Variants in L3MBTL4 observed in about 807,000 individuals in gnomAD.
The protein encoded by L3MBTL4 is lethal(3)malignant brain tumor-like protein 4.
L3MBTL4 carries 70 observed loss-of-function variants against 84.5 expected under a neutral mutation model. The observed-to-expected ratio is 0.83, with a 90% CI of 0.68 to 1.01. The LOEUF is 1.01. L3MBTL4 is among the 50% of genes least tolerant of loss of function. The pLI, the probability that L3MBTL4 is intolerant of heterozygous loss-of-function variation, is 0.00. For missense variants in L3MBTL4, 715 were observed against 754.8 expected (o/e 0.95, Z 0.62); for synonymous variants, 274 against 259.8 (o/e 1.05, Z -0.52).
chr18:6,072,699 A>ACAC (rs1568069053), intron 16 of L3MBTL4, among the ~76,000 whole-genome samples: 3 of 63,474 alleles, frequency 4.7e-5, no homozygotes, highest in African/African-American at 2.0e-4. Flanking sequence ...CACACACACA[A>ACAC]AAAAAAATTA....
chr18:6,367,782 G>A (rs2053997267), intron 1 of L3MBTL4: 1 of 152,200 alleles, frequency 6.6e-6, no homozygotes, highest in Admixed American at 6.5e-5. Context: ...CAGCACTAAT[G>A]GTCACAAAGG....
At chr18:6,255,320 G>A (rs2048091137) in intron 5 of L3MBTL4, among the ~76,000 whole-genome samples, 1 of 152,168 alleles carries the variant, frequency 6.6e-6, no homozygotes, top group South Asian at 2.1e-4. Context: ...ACCCCTACCA[G>A]GAACTAAAAA....
At chr18:6,368,794 C>T (rs1426351194) in intron 1 of L3MBTL4, among the ~76,000 whole-genome samples, 1 of 152,160 alleles carries the variant, frequency 6.6e-6, no homozygotes, top group Non-Finnish European at 1.5e-5. Flanking sequence ...GTAATCCCAG[C>T]ACTTTGGGAG....
At chr18:6,272,342 G>A (rs1320882371) in intron 4 of L3MBTL4, among the ~76,000 whole-genome samples, 1 of 152,182 alleles carries the variant, frequency 6.6e-6, no homozygotes, top group African/African-American at 2.4e-5. Context: ...TCATGAGGTA[G>A]GATGGCGTCT....
intron 16 of L3MBTL4, among the ~76,000 whole-genome samples, chr18:6,022,894 A>G (rs539977599): frequency 6.6e-6 from 1 of 152,362 alleles, no homozygotes; most frequent in South Asian, 2.1e-4. Flanking sequence ...GCAGTGGTTA[A>G]GATTCCTGCC....
At chr18:6,232,146 T>C (rs1233408890) in intron 10 of L3MBTL4, among the ~76,000 whole-genome samples, 2 of 152,288 alleles carry the variant, frequency 1.3e-5, no homozygotes, top group Non-Finnish European at 2.9e-5. Flanking sequence ...CAATAGCATG[T>C]GGTTTTTTCT....
intron 16 of L3MBTL4, chr18:6,031,702 TG>T: frequency 1.0e-6 from 1 of 985,408 alleles, no homozygotes. Flanking sequence ...CACGGCTTCA[TG>T]GGGAATGGCA....
rs1261475809 is a variant in L3MBTL4 at position 6,295,346 on chromosome 18, C to CTCTCTA, written c.127+6556_127+6557insTAGAGA. ...TCTCTCTCTCTCTCTCTCTCTCTCT[C>CTCTCTA]TATATATATATATATATATATATAT... On this transcript the variant is annotated intron_variant, in intron 4 of 18. Transcript: ENST00000317931. Among the ~76,000 whole-genome samples, 698 of 81,272 alleles carry CTCTCTA rather than the reference C, an allele frequency of 8.6e-3. 7 individuals carry two copies. The highest frequency in any genetic ancestry group is 0.017 in the African/African-American group (254 of 15,042). The allele number at this position is 81,272 out of a possible 152,430, so 53.3% of individuals were successfully genotyped here.
chr18:6,265,560 A>T (rs891566165), intron 4 of L3MBTL4, among the ~76,000 whole-genome samples: 1 of 152,250 alleles, frequency 6.6e-6, no homozygotes, highest in Non-Finnish European at 1.5e-5. Flanking sequence ...CTATATTTTT[A>T]TGCTTTATGT....
intron 13 of L3MBTL4, among the ~76,000 whole-genome samples, chr18:6,158,913 G>C (rs2043206699): frequency 6.6e-6 from 1 of 152,136 alleles, no homozygotes; most frequent in East Asian, 1.9e-4. Context: ...AGTGGCTTGG[G>C]GATTAGAGCA....
chr18:6,220,500 ACT>A (rs2046505932), intron 10 of L3MBTL4, among the ~76,000 whole-genome samples: 1 of 151,728 alleles, frequency 6.6e-6, no homozygotes, highest in Non-Finnish European at 1.5e-5. Context: ...TCCCACCCTG[ACT>A]CTCTATATAA....
rs1462319055 is a variant in L3MBTL4, at chr18:6,239,820, T to A, written c.605A>T (p.Asp202Val). 7 of 1,614,080 alleles carry A rather than the reference T, an allele frequency of 4.3e-6. No individual in the cohort carries two copies. Among genetic ancestry groups the A allele is most frequent in the Admixed American group, 1.7e-5 (1 of 60,004 alleles). Residue 202 changes from aspartate to valine, a missense_variant, in exon 9 of 19, where the codon GAC (aspartate) becomes GTC (valine). Transcript: ENST00000317931. ...FQVGMKLEAV[D>V]RKNPSLVCVA... ...ACACACCAAGGAAGGGTTCTTCCTG[T>A]CCACGGCCTCCAGCTTCATTCCAAC... is the stretch of plus-strand genomic sequence containing the variant.
At chr18:6,099,484 C>T (rs1170019856) in intron 14 of L3MBTL4, among the ~76,000 whole-genome samples, 1 of 149,796 alleles carries the variant, frequency 6.7e-6, no homozygotes, top group African/African-American at 2.4e-5. Flanking sequence ...GAGTTTTTAA[C>T]ATCTGCTGAG....
chr18:6,363,542 C>T (rs1053958542), intron 1 of L3MBTL4, among the ~76,000 whole-genome samples: 1 of 152,142 alleles, frequency 6.6e-6, no homozygotes, highest in Non-Finnish European at 1.5e-5. Flanking sequence ...CTTTTGGAAA[C>T]CCAGATGTAA....
intron 1 of L3MBTL4, among the ~76,000 whole-genome samples, chr18:6,334,469 T>C (rs1292021466): frequency 6.6e-6 from 1 of 152,220 alleles, no homozygotes; most frequent in Non-Finnish European, 1.5e-5. Context: ...AAAAGTCTAG[T>C]TTATTAAACT....
At chr18:6,108,094 A>T (rs1024591766) in intron 14 of L3MBTL4, among the ~76,000 whole-genome samples, 22 of 152,146 alleles carry the variant, frequency 1.4e-4, no homozygotes, top group African/African-American at 5.3e-4. Flanking sequence ...TTGAGCAAGG[A>T]GACTCTCAGC....
chr18:6,343,311 T>A (rs2052702768), intron 1 of L3MBTL4, among the ~76,000 whole-genome samples: 3 of 152,160 alleles, frequency 2.0e-5, no homozygotes, highest in Admixed American at 2.0e-4. Context: ...AGCATACACA[T>A]AACATTCTCC....
In L3MBTL4 at chr18:6,289,448, T is replaced by C. The variant is rs115874706; in HGVS notation, c.127+12455A>G. Among the ~76,000 whole-genome samples the C allele has an allele frequency of 3.0e-3, 455 of 152,328 alleles. 5 individuals carry two copies. Among genetic ancestry groups the C allele is most frequent in the African/African-American group, 0.011 (438 of 41,564 alleles). Reference sequence around the variant, plus strand: ...ATCTTCTAAACTGCGCAATTCCTATTCCTAACACTTTTCTTCATGAGATCC... The same window carrying C: ...ATCTTCTAAACTGCGCAATTCCTATCCCTAACACTTTTCTTCATGAGATCC... On this transcript the variant is annotated intron_variant, in intron 4 of 18. Coordinates refer to ENST00000317931, the MANE Select transcript of L3MBTL4 (RefSeq NM_001330559.2).
chr18:6,321,302 A>T (rs1321399741), intron 1 of L3MBTL4, among the ~76,000 whole-genome samples: 1 of 152,214 alleles, frequency 6.6e-6, no homozygotes, highest in Non-Finnish European at 1.5e-5. Flanking sequence ...AACCCAGAGA[A>T]TGGGAGAAGA....
Sources: allele counts gnomAD v4.1 joint callset (sites outside exome capture counted in the v4.1 genomes callset), GRCh38; gene constraint gnomAD v4.1.1; transcripts MANE v1.5; gene names NCBI Gene and HGNC (gene_info 2026-07-23, HGNC 2026-07-21).